Variants in PLEKHH2 observed in about 807,000 individuals in gnomAD.
The protein encoded by PLEKHH2 is pleckstrin homology domain-containing family H member 2.
PLEKHH2 carries 129 observed loss-of-function variants against 187.9 expected under a neutral mutation model. That is an observed-to-expected ratio of 0.69 (90% CI 0.59 to 0.79). The LOEUF (loss-of-function observed/expected upper bound fraction) is 0.79. Ranked by LOEUF, PLEKHH2 falls within the 30% of genes least tolerant of loss-of-function variation. The probability of loss-of-function intolerance (pLI) is 0.00; values close to 1 mark genes in which losing one functional copy is unlikely to be tolerated. For synonymous variants in PLEKHH2, 686 were observed against 605.6 expected, an observed-to-expected ratio of 1.13 and a Z score of -1.95; for missense variants, 2,076 against 1,751.2, an observed-to-expected ratio of 1.19 and a Z score of -3.31.
At position 43,758,998 on chromosome 2, in the gene PLEKHH2, C is replaced by T; in HGVS notation, c.4040C>T (p.Pro1347Leu). 1 of 1,612,462 alleles carries T rather than the reference C, an allele frequency of 6.2e-7. No homozygotes were observed. The highest frequency in any genetic ancestry group is 1.7e-5 in the Admixed American group (1 of 59,938). ...TATTTGACAGTAGCCAGGAAGTGGC[C>T]ATTCTTTGGTGCCAAGTTGTTTCTT... ...RIYLTVARKW[P>L]FFGAKLFLAK... Residue 1347 changes from proline to leucine, a missense_variant, in exon 27 of 30, where the codon CCA (proline) becomes CTA (leucine). Transcript: ENST00000282406.
At chr2:43,708,526 A>T (rs962653151) in intron 11 of PLEKHH2, among the ~76,000 whole-genome samples, 1 of 152,064 alleles carries the variant, frequency 6.6e-6, no homozygotes, top group Non-Finnish European at 1.5e-5. Context: ...CACCACTCAA[A>T]TTGCAGCCCT....
chr2:43,757,112 C>G lies in PLEKHH2; in HGVS notation c.3796-7C>G. 1 of 1,552,800 alleles carries G rather than the reference C, an allele frequency of 6.4e-7. No individual in the cohort carries two copies. ...ATATATTTTCACTTTTGTGGATTTCCAATTAGGTAGAGATTGGAGATTTTG... is the reference window on the plus strand; with the variant it reads ...ATATATTTTCACTTTTGTGGATTTCGAATTAGGTAGAGATTGGAGATTTTG... On this transcript the variant is annotated splice_polypyrimidine_tract_variant and splice_region_variant and intron_variant, in intron 25 of 29. Transcript: ENST00000282406.
At chr2:43,711,214 T>C in intron 14 of PLEKHH2, 1 of 985,560 alleles carries the variant, frequency 1.0e-6, no homozygotes, top group Non-Finnish European at 1.2e-6. Context: ...ACCATTATTT[T>C]CTTATATTGC....
intron 2 of PLEKHH2, among the ~76,000 whole-genome samples, chr2:43,650,658 T>C (rs1666423278): frequency 6.6e-6 from 1 of 151,846 alleles, no homozygotes. Flanking sequence ...TTCTTTTTTT[T>C]TTTTTAAGTT....
chr2:43,727,352 C>A (rs912949629), intron 17 of PLEKHH2, among the ~76,000 whole-genome samples: 1 of 137,688 alleles, frequency 7.3e-6, no homozygotes. Flanking sequence ...GTAGAGGTTG[C>A]AGTGAGCTGA....
rs1011498438 is a variant in PLEKHH2, at chr2:43,764,345, T to C, written c.4276T>C (p.Phe1426Leu). 8.1e-6 allele frequency: 13 copies of C among 1,612,808 alleles called. No homozygotes were observed. The African/African-American group carries it at 1.7e-4, about 22-fold the overall frequency. The change falls in exon 29 of 30, where the codon TTT becomes CTT. Residue 1426 changes from phenylalanine (F) to leucine (L), a missense_variant. Physicochemically the swap from Phe to Leu is conservative, Grantham distance 22 (BLOSUM62 0). Transcript: ENST00000282406. ...GGACAAACCAACAGAGAAATTACTT[T>C]TTGCCATGGCAAAACCCAAGGTGAG... is the stretch of plus-strand genomic sequence containing the variant. ...SKDKPTEKLL[F>L]AMAKPKILEI... is the part of the protein sequence containing the mutation.
intron 28 of PLEKHH2, among the ~76,000 whole-genome samples, chr2:43,762,880 C>T (rs17031416): frequency 0.013 from 2,050 of 152,120 alleles, 50 homozygotes; most frequent in African/African-American, 0.046. Context: ...TTTATTTACC[C>T]GAAATTTACA....
intron 24 of PLEKHH2, among the ~76,000 whole-genome samples, chr2:43,749,752 A>G (rs953619352): frequency 2.0e-5 from 3 of 152,206 alleles, no homozygotes; most frequent in Non-Finnish European, 2.9e-5. Context: ...ATGAGCCCTA[A>G]TTTCTAGTGA....
intron 2 of PLEKHH2, among the ~76,000 whole-genome samples, chr2:43,651,960 T>C (rs892374425): frequency 6.6e-6 from 1 of 152,230 alleles, no homozygotes; most frequent in Non-Finnish European, 1.5e-5. Context: ...TGTCTGATGA[T>C]TTTTAGTGGT....
At chr2:43,749,308 A>G (rs960963279) in intron 24 of PLEKHH2, among the ~76,000 whole-genome samples, 6 of 152,210 alleles carry the variant, frequency 3.9e-5, no homozygotes, top group African/African-American at 1.4e-4. Context: ...CTGGGTTGCC[A>G]TAAGAGGTTG....
chr2:43,748,760 C>CTTT (rs35066741), intron 24 of PLEKHH2, among the ~76,000 whole-genome samples: 78 of 146,706 alleles, frequency 5.3e-4, no homozygotes, highest in Admixed American at 2.7e-3. Context: ...TTCAGGCATT[C>CTTT]TTTTTTTTTT....
chr2:43,739,702 G>A (rs144489571), intron 20 of PLEKHH2, among the ~76,000 whole-genome samples: 1 of 152,154 alleles, frequency 6.6e-6, no homozygotes, highest in Admixed American at 6.5e-5. Context: ...CCACTGGCCC[G>A]CTCTTTCTCC....
rs549003884 is a variant in PLEKHH2 at position 43,700,266 on chromosome 2, G to T, written c.1308G>T (p.Leu436=). 3 of 1,614,110 alleles carry T rather than the reference G, an allele frequency of 1.9e-6. No homozygotes were observed. Among genetic ancestry groups the T allele is most frequent in the Non-Finnish European group, 1.7e-6 (2 of 1,180,014 alleles). Residue 436 remains leucine (L), a synonymous_variant, in exon 8 of 30, where the codon CTG becomes CTT. Transcript: ENST00000282406. ...KGTQLVPSSH[L]PPPKLRIPNV... is the part of the protein sequence containing the mutation. ...CACAATTAGTGCCTTCATCACACCT[G>T]CCACCCCCAAAGTTAAGGATTCCTA...
intron 2 of PLEKHH2, among the ~76,000 whole-genome samples, chr2:43,678,567 A>T (rs1047893744): frequency 6.6e-6 from 1 of 152,156 alleles, no homozygotes; most frequent in Admixed American, 6.5e-5. Context: ...AAAACCAGTC[A>T]GGCGTGGCGG....
intron 17 of PLEKHH2, among the ~76,000 whole-genome samples, chr2:43,729,110 A>G (rs1326361486): frequency 6.6e-6 from 1 of 152,216 alleles, no homozygotes; most frequent in Non-Finnish European, 1.5e-5. Context: ...GAGTGCTTGT[A>G]CTATATTACT....
At chr2:43,712,428 A>C in intron 15 of PLEKHH2, 45 bp downstream of exon 15, 1 of 1,574,170 alleles carries the variant, frequency 6.4e-7, no homozygotes, top group Non-Finnish European at 8.7e-7. Flanking sequence ...AGCTATGGGC[A>C]TGAGCCCATG....
At chr2:43,729,066 A>C (rs978175078) in intron 17 of PLEKHH2, among the ~76,000 whole-genome samples, 2 of 152,188 alleles carry the variant, frequency 1.3e-5, no homozygotes, top group Admixed American at 6.5e-5. Context: ...TGCAGCCATT[A>C]AAACTTGTTT....
At chr2:43,675,594 A>AAAT in intron 2 of PLEKHH2, 1 of 1,613,666 alleles carries the variant, frequency 6.2e-7, no homozygotes, top group Non-Finnish European at 8.5e-7. Context: ...GTTTTGTATT[A>AAAT]AATACATCTC....
At chr2:43,677,356 T>A (rs371767121) in intron 2 of PLEKHH2, among the ~76,000 whole-genome samples, 18 of 152,202 alleles carry the variant, frequency 1.2e-4, no homozygotes, top group East Asian at 1.2e-3. Context: ...CCCTCTGCAG[T>A]GTTTGTGTCC....
Sources: allele counts gnomAD v4.1 joint callset (sites outside exome capture counted in the v4.1 genomes callset), GRCh38; gene constraint gnomAD v4.1.1; transcripts MANE v1.5; gene names NCBI Gene and HGNC (gene_info 2026-07-23, HGNC 2026-07-21).